Variants in RAB11FIP5 observed in about 807,000 individuals in gnomAD.
RAB11FIP5 encodes rab11 family-interacting protein 5.
In RAB11FIP5, 48 loss-of-function variants were observed where a neutral mutation model predicts 85.1. The observed-to-expected ratio is 0.56, with a 90% confidence interval of 0.45 to 0.72. RAB11FIP5 has a LOEUF of 0.72. RAB11FIP5 is among the 30% of genes least tolerant of loss of function. RAB11FIP5 has a pLI of 0.00. For synonymous variants in RAB11FIP5, 729 were observed against 727.3 expected, an observed-to-expected ratio of 1.00 and a Z score of -0.04; for missense variants, 1,491 against 1,687.0, an observed-to-expected ratio of 0.88 and a Z score of 2.04.
At chr2:73,091,840 G>A (rs752590128) in intron 1 of RAB11FIP5, among the ~76,000 whole-genome samples, 2 of 152,174 alleles carry the variant, frequency 1.3e-5, no homozygotes, top group Non-Finnish European at 2.9e-5. Flanking sequence ...CTAGACTTTG[G>A]TTTTCCCTCC....
intron 1 of RAB11FIP5, among the ~76,000 whole-genome samples, chr2:73,105,070 G>T (rs1435121521): frequency 6.6e-6 from 1 of 152,158 alleles, no homozygotes; most frequent in Non-Finnish European, 1.5e-5. Flanking sequence ...AGAACAGGAT[G>T]GCTTGGAGTG....
At chr2:73,079,591 C>G in intron 4 of RAB11FIP5, 60 bp downstream of exon 4, 1 of 1,232,322 alleles carries the variant, frequency 8.1e-7, no homozygotes, top group South Asian at 4.1e-5. Context: ...GTCCCTTGGG[C>G]TGTTCTGCCC....
At chr2:73,085,812 G>C (rs1396771222) in intron 3 of RAB11FIP5, among the ~76,000 whole-genome samples, 1 of 152,198 alleles carries the variant, frequency 6.6e-6, no homozygotes, top group Non-Finnish European at 1.5e-5. Context: ...GGGAGCACTA[G>C]AGGGCGCCGC....
intron 3 of RAB11FIP5, among the ~76,000 whole-genome samples, chr2:73,087,743 G>C (rs1684116425): frequency 6.6e-6 from 1 of 152,162 alleles, no homozygotes; most frequent in African/African-American, 2.4e-5. Context: ...TCACACAAAT[G>C]GACTTTCCTG....
At chr2:73,111,164 C>A (rs1392393550) in intron 1 of RAB11FIP5, among the ~76,000 whole-genome samples, 1 of 152,124 alleles carries the variant, frequency 6.6e-6, no homozygotes, top group Admixed American at 6.5e-5. Context: ...ACGCCCTCCC[C>A]ATCCCAGACC....
Position 73,080,443 on chromosome 2 carries a change from G to A in RAB11FIP5, c.2789C>T (p.Pro930Leu), listed in dbSNP as rs1683952476. ...GGAGGCATCTTCTCCCTCTGTCTCC[G>A]GCCCCCTGTTACTCAGCCCCACTGC... ...KAAVGLSNRGPETEGEDASPS... is the reference protein window; with the variant it reads ...KAAVGLSNRGLETEGEDASPS... The change falls in exon 4 of 6, where the codon CCG becomes CTG. Residue 930 changes from proline (P) to leucine (L), a missense_variant. Around this residue, in one of 3 missense-constraint regions of RAB11FIP5, gnomAD observed 1,211 missense variants for 1,338.0 expected, o/e 0.91. Transcript: ENST00000486777. 6 of 1,233,440 alleles carry A rather than the reference G, an allele frequency of 4.9e-6. No homozygotes were observed. Among genetic ancestry groups the A allele is most frequent in the Admixed American group, 4.2e-5 (1 of 23,708 alleles). The allele number at this position is 1,233,440 out of a possible 1,614,324, so 76.4% of individuals were successfully genotyped here. A position where few individuals can be genotyped will look rare whatever the true frequency, so the allele number is the denominator to read the frequency against.
chr2:73,107,790 C>T (rs906400141), intron 1 of RAB11FIP5, among the ~76,000 whole-genome samples: 1 of 152,184 alleles, frequency 6.6e-6, no homozygotes, highest in African/African-American at 2.4e-5. Flanking sequence ...CCCAGCAGTG[C>T]CACAGGCCTC....
At chr2:73,091,308 C>T (rs959821242) in intron 1 of RAB11FIP5, among the ~76,000 whole-genome samples, 5 of 152,180 alleles carry the variant, frequency 3.3e-5, no homozygotes, top group African/African-American at 1.2e-4. Flanking sequence ...GGAATGTCTT[C>T]ACATTTCTGA....
rs148873875 is a variant in RAB11FIP5 at position 73,097,264 on chromosome 2, C to T, written c.432-7949G>A. Among the ~76,000 whole-genome samples, 299 of 152,100 alleles carry T rather than the reference C, an allele frequency of 2.0e-3. 2 individuals carry two copies. Among genetic ancestry groups the T allele is most frequent in the African/African-American group, 5.4e-3 (224 of 41,476 alleles). On this transcript the variant is annotated intron_variant, in intron 1 of 5. Coordinates refer to ENST00000486777, the MANE Select transcript of RAB11FIP5 (RefSeq NM_001371272.1). Reference sequence around the variant, plus strand: ...GTTGGTCACACTGGTCTCGAATTCCCGACCTCAGGTGATCCACCCGCCTCG... The same window carrying T: ...GTTGGTCACACTGGTCTCGAATTCCTGACCTCAGGTGATCCACCCGCCTCG...
At position 73,080,091 on chromosome 2, in the gene RAB11FIP5, T is replaced by C. The variant is rs1204842181; in HGVS notation, c.3141A>G (p.Ser1047=). Residue 1047 remains serine, a synonymous_variant, in exon 4 of 6, where the codon TCA becomes TCG. Transcript: ENST00000486777. Reference sequence around the variant, plus strand: ...ACACATCAGCCTGCTGGGAGGTGGCTGACAAGGACCCAAGCCCCTCTCCTA... The same window carrying C: ...ACACATCAGCCTGCTGGGAGGTGGCCGACAAGGACCCAAGCCCCTCTCCTA... The part of the protein sequence containing the change: ...DPVGEGLGSL[S]ATSQQADVWV... 1 of 1,232,056 alleles carries C rather than the reference T, an allele frequency of 8.1e-7. No homozygotes were observed. Among genetic ancestry groups the C allele is most frequent in the African/African-American group, 1.6e-5 (1 of 64,378 alleles). The allele number at this position is 1,232,056 out of a possible 1,614,324, so 76.3% of individuals were successfully genotyped here.
chr2:73,101,224 T>C (rs1222839885), intron 1 of RAB11FIP5, among the ~76,000 whole-genome samples: 3 of 151,494 alleles, frequency 2.0e-5, no homozygotes, highest in African/African-American at 4.9e-5. Flanking sequence ...AGGAACCAAC[T>C]GGCCAGGGCT....
At chr2:73,104,395 T>A (rs1008361605) in intron 1 of RAB11FIP5, among the ~76,000 whole-genome samples, 2 of 151,868 alleles carry the variant, frequency 1.3e-5, no homozygotes, top group Admixed American at 6.6e-5. Context: ...CTGGCCAACA[T>A]GGTCTCTACT....
In RAB11FIP5 at chr2:73,089,360, G is replaced by A. The variant is rs1233799633; in HGVS notation, c.432-45C>T. 13 of 1,599,034 alleles carry A rather than the reference G, an allele frequency of 8.1e-6. No individual in the cohort carries two copies. The highest frequency in any genetic ancestry group is 1.3e-5 in the African/African-American group (1 of 74,712). The stretch of plus-strand genomic sequence containing the variant: ...GGCAGAACTCAGTCACGGGCCCAGG[G>A]AGCCTGGCTCCCGCCCGGTACCAGG... On this transcript the variant is annotated intron_variant, in intron 1 of 5. Transcript: ENST00000486777. The surrounding 1 kb of genome is among the most constrained non-coding windows in gnomAD (Gnocchi z 4.6).
intron 3 of RAB11FIP5, among the ~76,000 whole-genome samples, chr2:73,085,372 C>T (rs1249811435): frequency 6.6e-6 from 1 of 152,156 alleles, no homozygotes; most frequent in East Asian, 1.9e-4. Context: ...TGCATAGAGT[C>T]CTATGGTTAG....
rs139571751 is a variant in RAB11FIP5, at chr2:73,105,320, G to A, written c.431+7027C>T. On this transcript the variant is annotated intron_variant, in intron 1 of 5. Coordinates refer to ENST00000486777, the MANE Select transcript of RAB11FIP5 (RefSeq NM_001371272.1). ...TGCAGTGGGGCAATCATTGCTAATC[G>A]CAGCCTTGAACTCCCGGGCTCAAGT... is the stretch of plus-strand genomic sequence containing the variant. Among the ~76,000 whole-genome samples the A allele has an allele frequency of 1.9e-3, 289 of 152,146 alleles. 2 individuals carry two copies. The highest frequency in any genetic ancestry group is 5.3e-3 in the African/African-American group (222 of 41,502).
In RAB11FIP5 at chr2:73,081,794, G is replaced by C; in HGVS notation, c.1569-131C>G. The C allele has an allele frequency of 3.5e-6, 3 of 858,660 alleles. No homozygotes were observed. The highest frequency in any genetic ancestry group is 4.6e-6 in the Non-Finnish European group (3 of 648,070). 53.2% of individuals were successfully genotyped at this position (858,660 alleles called of 1,614,324 possible). ...ACACATAGGCTGGATTTACCTACTT[G>C]GGCCAGGGTACAGAGGGAAGACCCC... is the stretch of plus-strand genomic sequence containing the variant. On this transcript the variant is annotated intron_variant, in intron 3 of 5. Transcript: ENST00000486777. This position sits in a 1 kb window ranked among gnomAD's most constrained non-coding sequence, Gnocchi z 4.2.
At chr2:73,087,978 G>A in intron 3 of RAB11FIP5, 72 bp downstream of exon 3, 1 of 1,419,764 alleles carries the variant, frequency 7.0e-7, no homozygotes, top group Non-Finnish European at 9.6e-7. Context: ...CTTCCTCCCT[G>A]CCCCAGGGTC....
chr2:73,107,818 C>T (rs1200426455), intron 1 of RAB11FIP5, among the ~76,000 whole-genome samples: 1 of 152,164 alleles, frequency 6.6e-6, no homozygotes, highest in East Asian at 1.9e-4. Context: ...AGCTCTGGGG[C>T]CGAGCAGGAG....
At position 73,086,863 on chromosome 2, in the gene RAB11FIP5, A is replaced by AC. The variant is rs202169693; in HGVS notation, c.1568+1186dup. Among the ~76,000 whole-genome samples, 2 of 151,362 alleles carry AC rather than the reference A, an allele frequency of 1.3e-5. No homozygotes were observed. Among genetic ancestry groups the AC allele is most frequent in the Non-Finnish European group, 2.9e-5 (2 of 67,814 alleles). On this transcript the variant is annotated intron_variant, in intron 3 of 5. Transcript: ENST00000486777. This position sits in a 1 kb window ranked among gnomAD's most constrained non-coding sequence, Gnocchi z 4.4. ...GGTGGCATGCCCCTGAAACTGATCC[A>AC]CCCCCCCATACCCCTATCTATGAGG...
Sources: allele counts gnomAD v4.1 joint callset (sites outside exome capture counted in the v4.1 genomes callset), GRCh38; gene constraint gnomAD v4.1.1; regional missense constraint gnomAD v4.1.1; non-coding constraint Gnocchi (gnomAD v3.1); transcripts MANE v1.5; gene names NCBI Gene and HGNC (gene_info 2026-07-23, HGNC 2026-07-21).